SLC4A1AP: variants seen among roughly 807,000 people sequenced by gnomAD.
SLC4A1AP encodes the protein kanadaptin.
Under a neutral mutation model 89.7 loss-of-function variants are expected in SLC4A1AP, and 64 were observed. The observed-to-expected ratio is 0.71, with a 90% CI of 0.58 to 0.88. The LOEUF is 0.88. Among genes scored for constraint, SLC4A1AP ranks in the 40% least tolerant of loss-of-function variants. SLC4A1AP has a pLI of 0.00. For synonymous variants in SLC4A1AP, 366 were observed against 353.3 expected (o/e 1.04, Z -0.40); for missense variants, 931 against 965.0 (o/e 0.96, Z 0.47).
chr2:27,677,143 A>C (rs79004601), intron 6 of SLC4A1AP, 152 bp from the exon 7 acceptor site: 1 of 435,714 alleles, frequency 2.3e-6, no homozygotes. Flanking sequence ...ATCTCAAAAC[A>C]AAAAAAAAAG....
At chr2:27,686,955 C>T (rs930656222) in intron 10 of SLC4A1AP, among the ~76,000 whole-genome samples, 5 of 152,078 alleles carry the variant, frequency 3.3e-5, no homozygotes, top group Non-Finnish European at 5.9e-5. Flanking sequence ...GAAGCCTTGA[C>T]CTCCCAAGGC....
intron 8 of SLC4A1AP, among the ~76,000 whole-genome samples, chr2:27,681,036 G>A (rs1441545170): frequency 6.6e-6 from 1 of 152,030 alleles, no homozygotes; most frequent in African/African-American, 2.4e-5. Flanking sequence ...ACCCCTGCAA[G>A]CAATCTTGAT....
chr2:27,684,489 CTG>C (rs888391691), intron 9 of SLC4A1AP, among the ~76,000 whole-genome samples: 3 of 150,710 alleles, frequency 2.0e-5, no homozygotes, highest in African/African-American at 7.3e-5. Context: ...TATTCCATAA[CTG>C]TGATCAACCT....
At chr2:27,694,525 T>A in intron 13 of SLC4A1AP, 109 bp from the exon 14 acceptor site, 1 of 697,728 alleles carries the variant, frequency 1.4e-6, no homozygotes, top group Non-Finnish European at 2.2e-6. Context: ...TACCGTAGAA[T>A]AAACCTTTTT....
chr2:27,665,839 G>T (rs769294000), intron 2 of SLC4A1AP, among the ~76,000 whole-genome samples: 2 of 152,154 alleles, frequency 1.3e-5, no homozygotes, highest in Non-Finnish European at 2.9e-5. Flanking sequence ...GTAGAAGATG[G>T]CATTAATATA....
At chr2:27,684,725 T>G (rs938869248) in intron 9 of SLC4A1AP, among the ~76,000 whole-genome samples, 1 of 152,214 alleles carries the variant, frequency 6.6e-6, no homozygotes, top group African/African-American at 2.4e-5. Flanking sequence ...TCCTTTAATA[T>G]CATGAGTTAT....
chr2:27,677,407 G>GC lies in SLC4A1AP; in HGVS notation c.1576+44dup, dbSNP rs1321081421. ...TATTTATTAATATACCACATATAGT[G>GC]CTCTATGCTAGGCACTGGGGCTACA... On this transcript the variant is annotated intron_variant, in intron 7 of 13. Transcript: ENST00000613058. 6 of 1,351,184 alleles carry GC rather than the reference G, an allele frequency of 4.4e-6. No homozygotes were observed. In the African/African-American group the frequency reaches 5.8e-5, roughly 13 times the overall value. The allele number at this position is 1,351,184 out of a possible 1,614,324, so 83.7% of individuals were successfully genotyped here.
At chr2:27,682,892 C>G (rs1225405831) in intron 9 of SLC4A1AP, among the ~76,000 whole-genome samples, 1 of 152,154 alleles carries the variant, frequency 6.6e-6, no homozygotes, top group Non-Finnish European at 1.5e-5. Context: ...AATCAATTTG[C>G]AAGTAAATGG....
At chr2:27,680,803 AC>A (rs1167938471) in intron 8 of SLC4A1AP, among the ~76,000 whole-genome samples, 1 of 151,208 alleles carries the variant, frequency 6.6e-6, no homozygotes, top group African/African-American at 2.4e-5. Context: ...AACAACAACA[AC>A]AACAACAACA....
chr2:27,681,066 T>G (rs1303399257), intron 8 of SLC4A1AP, among the ~76,000 whole-genome samples: 2 of 152,208 alleles, frequency 1.3e-5, no homozygotes, highest in Non-Finnish European at 2.9e-5. Flanking sequence ...ATCTTCTGCT[T>G]TTTCATCTCC....
chr2:27,690,600 C>T (rs1675774671), intron 12 of SLC4A1AP, among the ~76,000 whole-genome samples: 1 of 152,152 alleles, frequency 6.6e-6, no homozygotes, highest in African/African-American at 2.4e-5. Flanking sequence ...GATCCTCCCA[C>T]CTCAGACTCC....
chr2:27,679,726 C>T (rs1187808461), intron 8 of SLC4A1AP, among the ~76,000 whole-genome samples: 2 of 151,836 alleles, frequency 1.3e-5, no homozygotes, highest in African/African-American at 2.4e-5. Context: ...AGGTGCAGAA[C>T]GGTGTGTATA....
chr2:27,683,526 T>C (rs967209338), intron 9 of SLC4A1AP, among the ~76,000 whole-genome samples: 1 of 152,180 alleles, frequency 6.6e-6, no homozygotes, highest in African/African-American at 2.4e-5. Context: ...CTTCTTCTTC[T>C]TCTAAGGACA....
At chr2:27,682,724 A>T (rs1675641322) in intron 9 of SLC4A1AP, among the ~76,000 whole-genome samples, 1 of 151,938 alleles carries the variant, frequency 6.6e-6, no homozygotes, top group South Asian at 2.1e-4. Flanking sequence ...GGACTTCACC[A>T]TGTTGGCCAG....
At position 27,675,466 on chromosome 2, in the gene SLC4A1AP, C is replaced by T. The variant is rs1433365697; in HGVS notation, c.1346-66C>T. ...GGTGACATTTTAAGCTCCTTGCCTA[C>T]TTGCCTTCTTTCTTTTTCTTTTCTT... On this transcript the variant is annotated intron_variant, in intron 5 of 13. Coordinates refer to ENST00000613058, the Ensembl canonical transcript of SLC4A1AP. 26 of 1,183,556 alleles carry T rather than the reference C, an allele frequency of 2.2e-5. No individual in the cohort carries two copies. The South Asian group carries it at 4.4e-4, about 20-fold the overall frequency. 73.3% of individuals were successfully genotyped at this position (1,183,556 alleles called of 1,614,324 possible).
intron 9 of SLC4A1AP, 26 bp downstream of exon 9, chr2:27,682,385 C>T (rs1675633504): frequency 6.3e-6 from 9 of 1,422,004 alleles, no homozygotes; most frequent in Non-Finnish European, 8.9e-6. Flanking sequence ...GGGTGTTAAA[C>T]TTTTAGCCCT....
Position 27,689,050 on chromosome 2 carries a change from T to C in SLC4A1AP, c.2271+283T>C, listed in dbSNP as rs79863102. Among the ~76,000 whole-genome samples the C allele has an allele frequency of 6.7e-3, 1,013 of 152,324 alleles. 17 individuals are homozygous for C. The highest frequency in any genetic ancestry group is 0.023 in the African/African-American group (964 of 41,580). ...ACATTTGAATAACATATTCTTATTTTCCTCCTTTTATTACACAAAAGGTAG... is the reference window on the plus strand; with the variant it reads ...ACATTTGAATAACATATTCTTATTTCCCTCCTTTTATTACACAAAAGGTAG... On this transcript the variant is annotated intron_variant, in intron 12 of 13. Transcript: ENST00000613058.
intron 10 of SLC4A1AP, among the ~76,000 whole-genome samples, chr2:27,685,489 A>G (rs1457179561): frequency 6.6e-6 from 1 of 152,210 alleles, no homozygotes; most frequent in Non-Finnish European, 1.5e-5. Flanking sequence ...GTTATTTCCA[A>G]TCCATTCCAG....
chr2:27,683,743 T>C (rs551699112), intron 9 of SLC4A1AP, among the ~76,000 whole-genome samples: 2 of 152,186 alleles, frequency 1.3e-5, no homozygotes, highest in Admixed American at 6.5e-5. Flanking sequence ...GTATTCTTTT[T>C]GTTTGTTTCA....
Sources: gnomAD v4.1 joint callset for allele counts (sites outside exome capture counted in the v4.1 genomes callset) on GRCh38, gnomAD v4.1.1 for gene constraint, MANE v1.5 for transcripts, NCBI Gene and HGNC (gene_info 2026-07-23, HGNC 2026-07-21) for gene names.